Variants in ANKRD36 observed in about 807,000 individuals in gnomAD.
ANKRD36 encodes the protein ankyrin repeat domain 36.
Under a neutral mutation model 278.1 loss-of-function variants are expected in ANKRD36, and 179 were observed. The ratio of observed to expected loss-of-function variants is 0.64; its 90% CI spans 0.57 to 0.73. ANKRD36 has a LOEUF of 0.73. Ranked by LOEUF, ANKRD36 falls within the 30% of genes least tolerant of loss-of-function variation. ANKRD36 has a pLI of 0.00. For missense variants in ANKRD36, 1,159 were observed against 1,956.7 expected (o/e 0.59, Z 7.69); for synonymous variants, 320 against 641.1 (o/e 0.50, Z 7.57).
intron 64 of ANKRD36, among the ~76,000 whole-genome samples, chr2:97,217,659 C>T (rs1379631351): frequency 1.3e-5 from 2 of 152,010 alleles, no homozygotes; most frequent in African/African-American, 2.4e-5. Flanking sequence ...CATAATTTTG[C>T]TCTTATTTCA....
intron 46 of ANKRD36, among the ~76,000 whole-genome samples, chr2:97,200,741 G>A (rs1156912463): frequency 6.6e-6 from 1 of 151,874 alleles, no homozygotes; most frequent in African/African-American, 2.4e-5. Flanking sequence ...ACAATTGGGA[G>A]GAAGAAACAT....
In ANKRD36 at chr2:97,231,480, C is replaced by T. The variant is rs149308254; in HGVS notation, c.3952-2250C>T. Among the ~76,000 whole-genome samples, 50 of 152,262 alleles carry T rather than the reference C, an allele frequency of 3.3e-4. 1 individual carries two copies. The highest frequency in any genetic ancestry group is 2.1e-3 in the South Asian group (10 of 4,800). On this transcript the variant is annotated intron_variant, in intron 67 of 75. Coordinates refer to ENST00000420699, the MANE Select transcript of ANKRD36 (RefSeq NM_001354587.1). ...TTCCTGGTGTGCCGTTTTTTAAGCC[C>T]GTCGGAAAAGTGCAGTAGTAGGGTG...
chr2:97,115,140 A>G (rs1033094317), intron 1 of ANKRD36, among the ~76,000 whole-genome samples: 14 of 152,134 alleles, frequency 9.2e-5, no homozygotes, highest in Non-Finnish European at 2.1e-4. Context: ...TTGCCTTTGC[A>G]CCAATCTAAT....
intron 44 of ANKRD36, among the ~76,000 whole-genome samples, chr2:97,198,980 A>G (rs2060549005): frequency 6.6e-6 from 1 of 151,874 alleles, no homozygotes; most frequent in Non-Finnish European, 1.5e-5. Flanking sequence ...AAGGAGAAAG[A>G]GAGGAAGTAT....
At chr2:97,137,821 TC>T (rs1314828472) in intron 6 of ANKRD36, among the ~76,000 whole-genome samples, 1 of 152,168 alleles carries the variant, frequency 6.6e-6, no homozygotes. Flanking sequence ...AGATGGTATC[TC>T]ATTGTGGTTT....
intron 6 of ANKRD36, among the ~76,000 whole-genome samples, chr2:97,132,104 G>A (rs2040338514): frequency 6.6e-6 from 1 of 151,442 alleles, no homozygotes; most frequent in Non-Finnish European, 1.5e-5. Flanking sequence ...TTGGATTACA[G>A]GTGTGAGCCA....
chr2:97,211,208 A>G (rs59477016), intron 56 of ANKRD36, among the ~76,000 whole-genome samples: 1,424 of 151,754 alleles, frequency 9.4e-3, no homozygotes, highest in African/African-American at 0.032. Context: ...CTGCTTTGAC[A>G]TTGATTCTCA....
chr2:97,144,318 T>C (rs1161080061), intron 8 of ANKRD36, among the ~76,000 whole-genome samples, 200 bp from the exon 9 acceptor site: 2 of 152,248 alleles, frequency 1.3e-5, no homozygotes, highest in Admixed American at 1.3e-4. Context: ...AAATTGGAAG[T>C]GTTTGTTGCG....
chr2:97,201,346 AAGG>A (rs1380223960), intron 46 of ANKRD36, among the ~76,000 whole-genome samples: 30 of 152,012 alleles, frequency 2.0e-4, no homozygotes, highest in African/African-American at 7.0e-4. Context: ...TACTGCCTAC[AAGG>A]GTATTCTAGA....
rs2062770152 is a variant in ANKRD36 at position 97,206,070 on chromosome 2, G to A, written c.3098G>A (p.Ser1033Asn). ...SQKPPTLKAT[S>N]DEEDSVLSIA... ...GTTTCAAATTCCATTCAGGCTACAA[G>A]TGATGAGGAAGATTCTGTTTTGAGT... Residue 1033 changes from serine to asparagine, a missense_variant, in exon 52 of 76, where the codon AGT becomes AAT. Coordinates refer to ENST00000420699, the MANE Select transcript of ANKRD36 (RefSeq NM_001354587.1). 1 of 1,551,264 alleles carries A rather than the reference G, an allele frequency of 6.4e-7. No individual in the cohort carries two copies. The highest frequency in any genetic ancestry group is 1.4e-5 in the African/African-American group (1 of 73,128).
intron 15 of ANKRD36, among the ~76,000 whole-genome samples, chr2:97,156,021 A>G (rs1461207468): frequency 2.1e-5 from 3 of 145,996 alleles, no homozygotes; most frequent in African/African-American, 7.3e-5. Flanking sequence ...AGTTGAGGTG[A>G]GTTATCCTGA....
chr2:97,224,704 C>T (rs1169918791), intron 66 of ANKRD36, 102 bp from the exon 67 acceptor site: 2 of 684,272 alleles, frequency 2.9e-6, no homozygotes, highest in African/African-American at 3.9e-5. Flanking sequence ...CCTGCCTCGG[C>T]CTCCCAAAGT....
At chr2:97,190,592 A>C (rs1240597379) in intron 34 of ANKRD36, among the ~76,000 whole-genome samples, 1 of 151,538 alleles carries the variant, frequency 6.6e-6, no homozygotes, top group Non-Finnish European at 1.5e-5. Flanking sequence ...AATCCTTTTG[A>C]TTTCCTGCAT....
chr2:97,177,877 A>C (rs2054799749), intron 22 of ANKRD36, among the ~76,000 whole-genome samples: 1 of 151,826 alleles, frequency 6.6e-6, no homozygotes, highest in African/African-American at 2.4e-5. Context: ...AACTACCATC[A>C]GAGTGAACAG....
chr2:97,118,381 T>A lies in ANKRD36; in HGVS notation c.350T>A (p.Leu117Gln). 6.2e-7 allele frequency: 1 copy of A among 1,609,076 alleles called. No individual in the cohort carries two copies. Among genetic ancestry groups the A allele is most frequent in the Non-Finnish European group, 8.5e-7 (1 of 1,177,852 alleles). The change falls in exon 3 of 76, where the codon CTG becomes CAG. Residue 117 changes from leucine to glutamine, a missense_variant. Physicochemically the swap from Leu to Gln is moderately radical, Grantham distance 113 (BLOSUM62 -2). Coordinates refer to ENST00000420699, the MANE Select transcript of ANKRD36 (RefSeq NM_001354587.1). ...QLRQEACATL[L>Q]LQNGANPNIT... ...AGGCAGGAGGCTTGTGCAACTCTTC[T>A]GCTGCAAAATGGCGCCAATCCAAAT...
At chr2:97,232,427 C>T (rs1171018978) in intron 67 of ANKRD36, among the ~76,000 whole-genome samples, 1 of 133,540 alleles carries the variant, frequency 7.5e-6, no homozygotes, top group Admixed American at 7.8e-5. Flanking sequence ...TAAAATTCAT[C>T]ACAAATAAGT....
chr2:97,220,184 T>G lies in ANKRD36; in HGVS notation c.3877+938T>G, dbSNP rs1177551245. Among the ~76,000 whole-genome samples, 20 of 148,542 alleles carry G rather than the reference T, an allele frequency of 1.3e-4. No homozygotes were observed. The East Asian group carries it at 3.1e-3, about 23-fold the overall frequency. ...GATACAGGCATACAATGTGTAATAA[T>G]GACATCATGGTTAATGGGTTATCCA... On this transcript the variant is annotated intron_variant, in intron 66 of 75. Coordinates refer to ENST00000420699, the MANE Select transcript of ANKRD36 (RefSeq NM_001354587.1).
chr2:97,122,862 A>G, intron 3 of ANKRD36, 25 bp from the exon 4 acceptor site: 1 of 1,524,440 alleles, frequency 6.6e-7, no homozygotes, highest in African/African-American at 1.4e-5. Flanking sequence ...TTTTGTGATT[A>G]TAAATTGTTG....
intron 56 of ANKRD36, among the ~76,000 whole-genome samples, chr2:97,210,460 C>T (rs760817585): frequency 6.8e-4 from 104 of 151,878 alleles, no homozygotes; most frequent in Non-Finnish European, 1.2e-3. Flanking sequence ...TTTGGCTGCT[C>T]GAGGAACTAC....
Sources: allele counts gnomAD v4.1 joint callset (sites outside exome capture counted in the v4.1 genomes callset), GRCh38; gene constraint gnomAD v4.1.1; transcripts MANE v1.5; gene names NCBI Gene and HGNC (gene_info 2026-07-23, HGNC 2026-07-21).